The following PAH variants were observed in gnomAD, a reference collection of about 807,000 sequenced individuals.
The protein encoded by PAH is phenylalanine-4-hydroxylase.
PAH carries 64 observed loss-of-function variants against 62.0 expected under a neutral mutation model. That is an observed-to-expected ratio of 1.03 (90% CI 0.84 to 1.27). The LOEUF (loss-of-function observed/expected upper bound fraction) is 1.27, where lower values mean the gene tolerates loss of function less well. Ranked by LOEUF, PAH falls within the 50% of genes most tolerant of loss-of-function variation. The pLI is 0.00. For synonymous variants in PAH, 195 were observed against 196.2 expected (o/e 0.99, Z 0.05); for missense variants, 579 against 542.8 (o/e 1.07, Z -0.66).
Position 102,867,001 on chromosome 12 carries a change from A to C in PAH, c.442-338T>G, listed in dbSNP as rs115875710. ...ATGGATGTCTATGATGAAGATGTAC[A>C]ATATCCATTTAATTCCTGATTAAGG... On this transcript the variant is annotated intron_variant, in intron 4 of 12. Transcript: ENST00000553106. Among the ~76,000 whole-genome samples, 1,256 of 152,332 alleles carry C rather than the reference A, an allele frequency of 8.2e-3. 20 individuals are homozygous for C. The highest frequency in any genetic ancestry group is 0.029 in the African/African-American group (1,203 of 41,578).
chr12:102,841,475 T>C (rs1190476514), intron 11 of PAH, among the ~76,000 whole-genome samples: 1 of 152,102 alleles, frequency 6.6e-6, no homozygotes, highest in Non-Finnish European at 1.5e-5. Flanking sequence ...ATTATGGCCC[T>C]TGTGACCATG....
intron 1 of PAH, among the ~76,000 whole-genome samples, chr12:102,947,586 A>T (rs1879552998): frequency 6.6e-6 from 1 of 152,206 alleles, no homozygotes; most frequent in Admixed American, 6.5e-5. Context: ...TGAGAAACAA[A>T]GGATCAGAAG....
chr12:102,934,324 A>G (rs1466105520), intron 1 of PAH, among the ~76,000 whole-genome samples: 1 of 152,050 alleles, frequency 6.6e-6, no homozygotes, highest in African/African-American at 2.4e-5. Flanking sequence ...TTTGGTTACT[A>G]TAGCTCTGTA....
intron 8 of PAH, chr12:102,847,224 T>C: frequency 2.0e-6 from 1 of 489,278 alleles, no homozygotes; most frequent in South Asian, 2.2e-5. Flanking sequence ...TTGCTCATGA[T>C]CACAGGGTCG....
intron 1 of PAH, among the ~76,000 whole-genome samples, chr12:102,956,459 C>A (rs1879915442): frequency 6.6e-6 from 1 of 152,172 alleles, no homozygotes; most frequent in African/African-American, 2.4e-5. Flanking sequence ...CTCTCGGCGC[C>A]AGCACGCGGC....
intron 4 of PAH, among the ~76,000 whole-genome samples, chr12:102,867,444 G>A (rs1346588203): frequency 2.6e-5 from 4 of 152,194 alleles, no homozygotes; most frequent in African/African-American, 9.7e-5. Flanking sequence ...AGGAGGCTAA[G>A]TGTGTCTTTG....
chr12:102,908,127 C>G (rs184184572), intron 2 of PAH, among the ~76,000 whole-genome samples: 1 of 152,064 alleles, frequency 6.6e-6, no homozygotes. Context: ...ACTTACTGAC[C>G]TGTGCAGTTG....
At chr12:102,857,739 A>C (rs565466088) in intron 5 of PAH, among the ~76,000 whole-genome samples, 3 of 152,328 alleles carry the variant, frequency 2.0e-5, no homozygotes, top group African/African-American at 7.2e-5. Flanking sequence ...TCATAAGTGA[A>C]GGAGAAATAA....
chr12:102,942,612 A>G (rs1239432084), intron 1 of PAH, among the ~76,000 whole-genome samples: 1 of 152,142 alleles, frequency 6.6e-6, no homozygotes, highest in African/African-American at 2.4e-5. Flanking sequence ...ATTCAAAACA[A>G]TCCTAAGCAA....
rs570417852 is a variant in PAH at position 102,849,067 on chromosome 12, G to A, written c.913-2116C>T. On this transcript the variant is annotated intron_variant, in intron 8 of 12. Transcript: ENST00000553106. ...AGAGGGGGCCACTGAGGAGGCTACC[G>A]CAGTCACTAGGATGAGAAATGATAG... 4.6e-5 allele frequency among the ~76,000 whole-genome samples: 7 copies of A among 152,314 alleles called. No individual in the cohort carries two copies. The East Asian group carries it at 5.8e-4, about 13-fold the overall frequency.
At chr12:102,944,688 A>G (rs996409639) in intron 1 of PAH, among the ~76,000 whole-genome samples, 1 of 152,204 alleles carries the variant, frequency 6.6e-6, no homozygotes, top group Non-Finnish European at 1.5e-5. Flanking sequence ...TTTTCCTCAA[A>G]GCAGGTATTC....
At chr12:102,866,816 T>A (rs1875994666) in intron 4 of PAH, among the ~76,000 whole-genome samples, 153 bp from the exon 5 acceptor site, 1 of 152,144 alleles carries the variant, frequency 6.6e-6, no homozygotes, top group Non-Finnish European at 1.5e-5. Flanking sequence ...TAAACTTAGC[T>A]CTCCTACCAG....
At chr12:102,924,867 C>A (rs575018169) in intron 1 of PAH, among the ~76,000 whole-genome samples, 1 of 152,186 alleles carries the variant, frequency 6.6e-6, no homozygotes, top group East Asian at 1.9e-4. Flanking sequence ...GTGCCCTGAA[C>A]AATAAACTGT....
At chr12:102,846,989 T>C in intron 8 of PAH, 38 bp from the exon 9 acceptor site, 1 of 1,579,032 alleles carries the variant, frequency 6.3e-7, no homozygotes, top group African/African-American at 1.3e-5. Flanking sequence ...TCTGTTCCTG[T>C]AATTGGAACC....
At position 102,838,942 on chromosome 12, in the gene PAH, A is replaced by T. The variant is rs1473385547; in HGVS notation, c.*233T>A. The T allele has an allele frequency of 1.8e-6, 1 of 570,754 alleles. No individual in the cohort carries two copies. 35.4% of individuals were successfully genotyped at this position (570,754 alleles called of 1,614,324 possible). A position where few individuals can be genotyped will look rare whatever the true frequency, so the allele number is the denominator to read the frequency against. ...TTAACTCAATTGAGAGTATGGGATT[A>T]TCATCTCTAAATCAAAGATGACCCC... On this transcript the variant is annotated 3_prime_UTR_variant, in exon 13 of 13. Transcript: ENST00000553106.
At chr12:102,953,044 G>A (rs1879815976), upstream of PAH, among the ~76,000 whole-genome samples, 1 of 152,192 alleles carries the variant, frequency 6.6e-6, no homozygotes, top group Admixed American at 6.5e-5. Context: ...GTAGGACAGT[G>A]TCTAGCACAG....
At chr12:102,904,697 G>T in intron 2 of PAH, 1 of 470,290 alleles carries the variant, frequency 2.1e-6, no homozygotes, top group Non-Finnish European at 4.2e-6. Flanking sequence ...TCATTTTATA[G>T]GGTCCAGAAA....
At chr12:102,958,393 C>CGCAGCAGCAGCAGCAGCGCAGAGCGCGCA (rs1880004712), upstream of PAH, 1 of 1,292,124 alleles carries the variant, frequency 7.7e-7, no homozygotes, top group Non-Finnish European at 1.0e-6. Context: ...GCGCAGAGCG[C>CGCAGCAGCAGCAGCAGCGCAGAGCGCGCA]GCAGCAGCAG....
chr12:102,867,198 A>G (rs867571643), intron 4 of PAH, among the ~76,000 whole-genome samples: 1 of 152,328 alleles, frequency 6.6e-6, no homozygotes, highest in Middle Eastern at 3.4e-3. Context: ...TTCGATGAGT[A>G]TGATTATCCT....
Sources: gnomAD v4.1 joint callset for allele counts (sites outside exome capture counted in the v4.1 genomes callset) on GRCh38, gnomAD v4.1.1 for gene constraint, MANE v1.5 for transcripts, NCBI Gene and HGNC (gene_info 2026-07-23, HGNC 2026-07-21) for gene names.